ZNF407: variants seen among roughly 807,000 people sequenced by gnomAD.
The protein encoded by ZNF407 is zinc finger protein 407.
A neutral mutation model predicts 131.2 loss-of-function variants in ZNF407; 17 were observed. That is an observed-to-expected ratio of 0.13 (90% CI 0.09 to 0.19). The LOEUF (loss-of-function observed/expected upper bound fraction) is 0.19. ZNF407 is among the 10% of genes least tolerant of loss of function. The pLI, the probability that ZNF407 is intolerant of heterozygous loss-of-function variation, is 1.00. For missense variants in ZNF407, 2,681 were observed against 2,830.6 expected, an observed-to-expected ratio of 0.95 and a Z score of 1.20; for synonymous variants, 1,156 against 1,062.0, an observed-to-expected ratio of 1.09 and a Z score of -1.72.
intron 4 of ZNF407, among the ~76,000 whole-genome samples, chr18:74,787,999 TC>T (rs1425936888): frequency 2.0e-5 from 3 of 152,220 alleles, no homozygotes; most frequent in Non-Finnish European, 2.9e-5. Flanking sequence ...CTCTAACACT[TC>T]GTTAGCCTTT....
chr18:74,913,402 G>A (rs1971700682), intron 7 of ZNF407, among the ~76,000 whole-genome samples: 3 of 152,194 alleles, frequency 2.0e-5, no homozygotes, highest in Admixed American at 2.0e-4. Context: ...AAGGGTGGGA[G>A]TAGAGACATG....
At chr18:74,731,616 G>A (rs1405507270) in intron 3 of ZNF407, among the ~76,000 whole-genome samples, 2 of 152,184 alleles carry the variant, frequency 1.3e-5, no homozygotes, top group Non-Finnish European at 2.9e-5. Flanking sequence ...GAGAAGATGA[G>A]TGTAGTAAGC....
intron 3 of ZNF407, among the ~76,000 whole-genome samples, chr18:74,742,618 A>T (rs1968575802): frequency 6.6e-6 from 1 of 152,188 alleles, no homozygotes; most frequent in African/African-American, 2.4e-5. Flanking sequence ...TTTTTAGATT[A>T]CATCATTTTA....
At chr18:74,957,608 C>T (rs1972291531) in intron 8 of ZNF407, among the ~76,000 whole-genome samples, 1 of 151,994 alleles carries the variant, frequency 6.6e-6, no homozygotes, top group African/African-American at 2.4e-5. Flanking sequence ...TAGTGAATTC[C>T]CTGGATGTCA....
chr18:74,894,032 C>G (rs1002834622), intron 7 of ZNF407, among the ~76,000 whole-genome samples: 1 of 152,056 alleles, frequency 6.6e-6, no homozygotes, highest in African/African-American at 2.4e-5. Context: ...TATAATTATT[C>G]ATGAAAAATA....
At chr18:74,959,058 C>A (rs1033208316) in intron 8 of ZNF407, among the ~76,000 whole-genome samples, 17 of 152,116 alleles carry the variant, frequency 1.1e-4, no homozygotes, top group Admixed American at 3.9e-4. Flanking sequence ...TTTCTGAGAC[C>A]AGGACTTGAG....
chr18:74,710,711 TA>T (rs1178976065), intron 3 of ZNF407, among the ~76,000 whole-genome samples: 1 of 152,232 alleles, frequency 6.6e-6, no homozygotes, highest in East Asian at 1.9e-4. Flanking sequence ...TTTTTTTCTT[TA>T]AAAACTAGCA....
In ZNF407 at chr18:74,781,515, C is replaced by CT. The variant is rs757680979; in HGVS notation, c.4877+22dup. On this transcript the variant is annotated intron_variant, in intron 4 of 8. Transcript: ENST00000299687. ...CCCCAAAAGAAAGGTAATTTTCATTCTTTTTTTTTCATTTAAAAATACAAT... is the reference window on the plus strand; with the variant it reads ...CCCCAAAAGAAAGGTAATTTTCATTCTTTTTTTTTTCATTTAAAAATACAAT... 5.6e-4 allele frequency: 822 copies of CT among 1,458,526 alleles called. 1 individual carries two copies. The highest frequency in any genetic ancestry group is 1.1e-3 in the East Asian group (41 of 36,838). The allele number at this position is 1,458,526 out of a possible 1,614,324, so 90.3% of individuals were successfully genotyped here. A position where few individuals can be genotyped will look rare whatever the true frequency, so the allele number is the denominator to read the frequency against.
At chr18:74,981,405 C>T (rs1008541019) in intron 8 of ZNF407, among the ~76,000 whole-genome samples, 1 of 152,170 alleles carries the variant, frequency 6.6e-6, no homozygotes, top group South Asian at 2.1e-4. Context: ...TCACTCTGCT[C>T]GAGACCCGAG....
chr18:74,807,120 C>G (rs1199081164), intron 4 of ZNF407, among the ~76,000 whole-genome samples: 3 of 152,126 alleles, frequency 2.0e-5, no homozygotes, highest in Non-Finnish European at 4.4e-5. Context: ...CCTCTGAAGC[C>G]TTTTTAAGGC....
intron 4 of ZNF407, among the ~76,000 whole-genome samples, chr18:74,784,578 A>G (rs1159744481): frequency 6.6e-6 from 1 of 152,228 alleles, no homozygotes. Context: ...CATCTGCATT[A>G]AATTATTTTA....
chr18:74,773,701 T>G (rs4891010), intron 3 of ZNF407, among the ~76,000 whole-genome samples: 1 of 152,240 alleles, frequency 6.6e-6, no homozygotes, highest in Non-Finnish European at 1.5e-5. Context: ...TTTAGAATAA[T>G]GAAAAGATAT....
At chr18:74,601,786 G>A (rs1568309813) in intron 1 of ZNF407, among the ~76,000 whole-genome samples, 1 of 152,156 alleles carries the variant, frequency 6.6e-6, no homozygotes, top group African/African-American at 2.4e-5. Context: ...TGCCCACCAG[G>A]CCCTACCTCC....
intron 4 of ZNF407, among the ~76,000 whole-genome samples, chr18:74,831,388 CTG>C (rs1970481090): frequency 2.6e-5 from 4 of 152,314 alleles, no homozygotes; most frequent in African/African-American, 9.6e-5. Flanking sequence ...AAAATGGAAA[CTG>C]TGTATCCTTT....
At chr18:74,813,460 C>T (rs1268414060) in intron 4 of ZNF407, among the ~76,000 whole-genome samples, 1 of 125,012 alleles carries the variant, frequency 8.0e-6, no homozygotes, top group Admixed American at 7.2e-5. Flanking sequence ...CGCTCTGCGT[C>T]ACCCCCTTCA....
intron 8 of ZNF407, among the ~76,000 whole-genome samples, chr18:75,019,585 T>C (rs1273675802): frequency 6.6e-6 from 1 of 152,174 alleles, no homozygotes; most frequent in Non-Finnish European, 1.5e-5. Context: ...GTGCGAATCA[T>C]CCCTTTGTCC....
At chr18:74,743,396 A>G (rs1211658322) in intron 3 of ZNF407, among the ~76,000 whole-genome samples, 1 of 152,068 alleles carries the variant, frequency 6.6e-6, no homozygotes, top group Non-Finnish European at 1.5e-5. Flanking sequence ...CATGTACACA[A>G]GATGTCTCGA....
At chr18:74,676,629 T>C (rs866087946) in intron 3 of ZNF407, among the ~76,000 whole-genome samples, 55 of 151,792 alleles carry the variant, frequency 3.6e-4, no homozygotes, top group African/African-American at 1.3e-3. Context: ...AGAGACGGGG[T>C]TTCACCGTGT....
At position 74,631,835 on chromosome 18, in the gene ZNF407, G is replaced by C; in HGVS notation, c.816G>C (p.Gln272His). ...HYLGKTHLRR[Q>H]NLAARGGFVQ... ...TTGGCAAAACACATCTCCGTCGTCA[G>C]AATCTGGCTGCTCGTGGAGGATTTG... Residue 272 changes from glutamine (Q) to histidine (H), a missense_variant, in exon 2 of 9, where the codon CAG (glutamine) becomes CAC (histidine). Transcript: ENST00000299687. 3.1e-6 allele frequency: 5 copies of C among 1,614,048 alleles called. No individual in the cohort carries two copies. Among genetic ancestry groups the C allele is most frequent in the Non-Finnish European group, 4.2e-6 (5 of 1,179,908 alleles).
Sources: gnomAD v4.1 joint callset for allele counts (sites outside exome capture counted in the v4.1 genomes callset) on GRCh38, gnomAD v4.1.1 for gene constraint, MANE v1.5 for transcripts, NCBI Gene and HGNC (gene_info 2026-07-23, HGNC 2026-07-21) for gene names.